RIPOR2: variants seen among roughly 807,000 people sequenced by gnomAD.
RIPOR2 encodes the protein rho family-interacting cell polarization regulator 2.
In RIPOR2, 39 loss-of-function variants were observed where a neutral mutation model predicts 114.5. The ratio of observed to expected loss-of-function variants is 0.34; its 90% CI spans 0.26 to 0.44. The LOEUF is 0.44. Among genes scored for constraint, RIPOR2 ranks in the 20% least tolerant of loss-of-function variants. RIPOR2 has a pLI of 1.00. For synonymous variants in RIPOR2, 445 were observed against 484.4 expected (o/e 0.92, Z 1.07); for missense variants, 1,007 against 1,255.1 (o/e 0.80, Z 2.99).
intron 1 of RIPOR2, among the ~76,000 whole-genome samples, chr6:24,993,931 A>T (rs771056628): frequency 1.3e-5 from 2 of 152,234 alleles, no homozygotes; most frequent in Non-Finnish European, 2.9e-5. Context: ...TATCATTTTT[A>T]AAATCTCATT....
chr6:24,831,210 G>A (rs1015141561), intron 16 of RIPOR2, among the ~76,000 whole-genome samples: 5 of 152,160 alleles, frequency 3.3e-5, no homozygotes, highest in African/African-American at 1.2e-4. Context: ...GGGGAGCAAA[G>A]AAAATAGAGC....
chr6:24,912,739 C>T (rs1041927706), intron 1 of RIPOR2, among the ~76,000 whole-genome samples: 5 of 152,186 alleles, frequency 3.3e-5, no homozygotes, highest in African/African-American at 1.2e-4. Flanking sequence ...CTGACATCCA[C>T]CCTGGAGAGA....
chr6:25,021,104 C>T (rs1486292569), intron 1 of RIPOR2, among the ~76,000 whole-genome samples: 3 of 152,132 alleles, frequency 2.0e-5, no homozygotes, highest in Non-Finnish European at 4.4e-5. Flanking sequence ...GGTGATCCAC[C>T]CACCTCGGCC....
intron 1 of RIPOR2, among the ~76,000 whole-genome samples, chr6:24,958,800 G>A (rs888542247): frequency 6.6e-6 from 1 of 152,072 alleles, no homozygotes; most frequent in African/African-American, 2.4e-5. Context: ...AGTTCTGGAG[G>A]CTGGAGGTCT....
intron 14 of RIPOR2, among the ~76,000 whole-genome samples, chr6:24,836,809 T>C (rs199861932): frequency 6.6e-6 from 1 of 150,558 alleles, no homozygotes; most frequent in African/African-American, 2.4e-5. Flanking sequence ...ATATTTAAAA[T>C]ACACACACAC....
intron 19 of RIPOR2, among the ~76,000 whole-genome samples, chr6:24,823,861 A>G (rs1386224983): frequency 1.3e-5 from 2 of 152,102 alleles, no homozygotes; most frequent in Non-Finnish European, 2.9e-5. Flanking sequence ...GGTTCAAGTC[A>G]TTCTCCTGCC....
chr6:25,021,318 G>A (rs1776306920), intron 1 of RIPOR2, among the ~76,000 whole-genome samples: 1 of 112,492 alleles, frequency 8.9e-6, no homozygotes, highest in African/African-American at 3.8e-5. Context: ...GAGTGCTAGA[G>A]GCAGTGAGGA....
At chr6:24,964,792 T>C (rs1773454776) in intron 1 of RIPOR2, among the ~76,000 whole-genome samples, 1 of 152,386 alleles carries the variant, frequency 6.6e-6, no homozygotes, top group South Asian at 2.1e-4. Context: ...CATACTCACC[T>C]GCATTTGGTA....
intron 1 of RIPOR2, among the ~76,000 whole-genome samples, chr6:24,915,226 T>G (rs907260810): frequency 1.3e-5 from 2 of 152,244 alleles, no homozygotes; most frequent in Non-Finnish European, 2.9e-5. Context: ...AAAATATGGC[T>G]TGGAATGCTG....
rs1229051109 is a variant in RIPOR2, at chr6:24,835,855, G to A, written c.2056C>T (p.Pro686Ser). The A allele has an allele frequency of 6.4e-7, 1 of 1,551,462 alleles. No homozygotes were observed. The highest frequency in any genetic ancestry group is 1.2e-5 in the South Asian group (1 of 84,042). The change falls in exon 15 of 22, where the codon CCA becomes TCA. Residue 686 changes from proline (P) to serine (S), a missense_variant. Coordinates refer to ENST00000643898, the MANE Select transcript of RIPOR2 (RefSeq NM_001286445.3). ...TEKHSYRSVH[P>S]EARGHLSEAL... Reference sequence around the variant, plus strand: ...TCACTGAGATGCCCCCTGGCTTCTGGGTGAACCGACCTGTAACTATTGAAG... The same window carrying A: ...TCACTGAGATGCCCCCTGGCTTCTGAGTGAACCGACCTGTAACTATTGAAG...
chr6:24,848,347 A>G (rs1310210836), intron 11 of RIPOR2, among the ~76,000 whole-genome samples, 193 bp from the exon 12 acceptor site: 1 of 152,232 alleles, frequency 6.6e-6, no homozygotes, highest in Non-Finnish European at 1.5e-5. Flanking sequence ...AACTGAGTCT[A>G]GACTCACCCA....
At chr6:24,868,809 C>T (rs1224829462) in intron 6 of RIPOR2, among the ~76,000 whole-genome samples, 1 of 152,144 alleles carries the variant, frequency 6.6e-6, no homozygotes, top group African/African-American at 2.4e-5. Flanking sequence ...GATAGTTTAT[C>T]TCTAAGCACT....
chr6:24,870,979 T>C (rs1765109315), intron 4 of RIPOR2, 90 bp from the exon 5 acceptor site: 4 of 732,514 alleles, frequency 5.5e-6, no homozygotes, highest in Non-Finnish European at 8.6e-6. Flanking sequence ...CATTTGCACA[T>C]TATCTGTGGA....
intron 1 of RIPOR2, among the ~76,000 whole-genome samples, chr6:24,880,986 G>C (rs187626846): frequency 1.4e-4 from 21 of 152,330 alleles, no homozygotes; most frequent in African/African-American, 4.6e-4. Flanking sequence ...GCTCACGCCT[G>C]TAATCCCAGC....
At chr6:24,971,216 T>C (rs1403255092) in intron 1 of RIPOR2, among the ~76,000 whole-genome samples, 2 of 152,194 alleles carry the variant, frequency 1.3e-5, no homozygotes, top group Non-Finnish European at 1.5e-5. Context: ...ACACTGGCCA[T>C]AGCACAGCAT....
upstream of RIPOR2, among the ~76,000 whole-genome samples, chr6:24,938,294 C>A (rs930473097): frequency 1.3e-5 from 2 of 152,074 alleles, no homozygotes; most frequent in African/African-American, 4.8e-5. Flanking sequence ...CCAAAGACTG[C>A]CAGTAAACCA....
At chr6:24,949,461 TCA>T (rs1772633064) in intron 1 of RIPOR2, among the ~76,000 whole-genome samples, 1 of 152,212 alleles carries the variant, frequency 6.6e-6, no homozygotes, top group Non-Finnish European at 1.5e-5. Flanking sequence ...GATTGCCCTC[TCA>T]GCCTCTGCAC....
rs1561844639 is a variant in RIPOR2, at chr6:25,015,895, G to GTTTTTTT, written c.76+25955_76+25956insAAAAAAA. 1.7e-3 allele frequency: 28 copies of GTTTTTTT among 16,442 alleles called. 3 individuals carry two copies. The highest frequency in any genetic ancestry group is 3.9e-3 in the East Asian group (1 of 258). The allele number at this position is 16,442 out of a possible 1,614,324, so 1.0% of individuals were successfully genotyped here. A position where few individuals can be genotyped will look rare whatever the true frequency, so the allele number is the denominator to read the frequency against. On this transcript the variant is annotated intron_variant, in intron 1 of 13. Transcript: ENST00000510784. ...CTCCCCTTAAAAACGCAGGTTTTTT[G>GTTTTTTT]GTTTTTTTTTTTTTTTTTTTTTTTT...
intron 1 of RIPOR2, among the ~76,000 whole-genome samples, chr6:24,887,145 C>T (rs1562314307): frequency 6.6e-6 from 1 of 152,216 alleles, no homozygotes; most frequent in Non-Finnish European, 1.5e-5. Context: ...ACATTGCGAA[C>T]CTCAAAACTT....
Sources: gnomAD v4.1 joint callset for allele counts (sites outside exome capture counted in the v4.1 genomes callset) on GRCh38, gnomAD v4.1.1 for gene constraint, MANE v1.5 for transcripts, NCBI Gene and HGNC (gene_info 2026-07-23, HGNC 2026-07-21) for gene names.